TUNAR: variants seen among roughly 807,000 people sequenced by gnomAD.
The protein encoded by TUNAR is protein TUNAR.
chr14:95,911,670 C>A (rs8017850), intron 2 of TUNAR, among the ~76,000 whole-genome samples: 1 of 152,010 alleles, frequency 6.6e-6, no homozygotes, highest in African/African-American at 2.4e-5. Context: ...GTTCTCAAGA[C>A]GGAGAAACAC....
rs192514942 is a variant in TUNAR, at chr14:95,913,298, T to A, written c.13-9483T>A. Among the ~76,000 whole-genome samples the A allele has an allele frequency of 3.5e-3, 534 of 152,230 alleles. 3 individuals carry two copies. Among genetic ancestry groups the A allele is most frequent in the African/African-American group, 0.012 (518 of 41,538 alleles). ...GCCCCGCATGCATTGGGTATTTGTC[T>A]TAATGCTCTCCCTCCCCTTGTCCCC... On this transcript the variant is annotated intron_variant, in intron 2 of 2. Transcript: ENST00000678517.
chr14:95,918,755 C>T (rs1169500931), intron 2 of TUNAR, among the ~76,000 whole-genome samples: 2 of 152,186 alleles, frequency 1.3e-5, no homozygotes, highest in African/African-American at 2.4e-5. Flanking sequence ...TGAAACCAAG[C>T]AGCCTCCATG....
At chr14:95,886,226 C>T (rs1218509207) in intron 2 of TUNAR, among the ~76,000 whole-genome samples, 1 of 152,224 alleles carries the variant, frequency 6.6e-6, no homozygotes, top group African/African-American at 2.4e-5. Flanking sequence ...CCTGAGCTTC[C>T]CCCAGCAGTG....
chr14:95,913,597 C>T (rs1306777562), intron 2 of TUNAR, among the ~76,000 whole-genome samples: 1 of 152,086 alleles, frequency 6.6e-6, no homozygotes, highest in Non-Finnish European at 1.5e-5. Context: ...AGAAATTGGT[C>T]TAGAGAAGTC....
intron 2 of TUNAR, among the ~76,000 whole-genome samples, chr14:95,878,152 C>G (rs1888920714): frequency 6.6e-6 from 1 of 152,202 alleles, no homozygotes; most frequent in South Asian, 2.1e-4. Context: ...ATTTGCCAGC[C>G]CTCAGTGTCA....
intron 2 of TUNAR, among the ~76,000 whole-genome samples, chr14:95,883,543 G>GCTGCTA (rs1302871149): frequency 2.6e-5 from 4 of 152,252 alleles, no homozygotes; most frequent in African/African-American, 7.2e-5. Flanking sequence ...TGTGTCATAG[G>GCTGCTA]CTGCTACTGT....
At chr14:95,887,280 G>A (rs1233591110) in intron 2 of TUNAR, among the ~76,000 whole-genome samples, 1 of 152,194 alleles carries the variant, frequency 6.6e-6, no homozygotes. Flanking sequence ...AGTACCTGGG[G>A]TGAACCTTGC....
At chr14:95,917,102 G>A (rs1889617118) in intron 2 of TUNAR, among the ~76,000 whole-genome samples, 1 of 152,102 alleles carries the variant, frequency 6.6e-6, no homozygotes, top group Admixed American at 6.5e-5. Context: ...TTTCCTTATA[G>A]TTTGAGCTTT....
chr14:95,881,097 C>T (rs1888971151), intron 2 of TUNAR, among the ~76,000 whole-genome samples: 1 of 152,178 alleles, frequency 6.6e-6, no homozygotes, highest in African/African-American at 2.4e-5. Flanking sequence ...TTGTGTCCTT[C>T]CTCCCCAATT....
intron 2 of TUNAR, among the ~76,000 whole-genome samples, chr14:95,906,893 A>C (rs1889434360): frequency 6.6e-6 from 1 of 152,168 alleles, no homozygotes; most frequent in African/African-American, 2.4e-5. Flanking sequence ...TCTTCTCTGC[A>C]TCCCTTTCTC....
chr14:95,913,416 C>T (rs932509276), intron 2 of TUNAR, among the ~76,000 whole-genome samples: 20 of 152,200 alleles, frequency 1.3e-4, no homozygotes, highest in Middle Eastern at 3.4e-3. Flanking sequence ...GAACATGCGG[C>T]GTTTGGTTTT....
intron 2 of TUNAR, among the ~76,000 whole-genome samples, chr14:95,911,349 C>G (rs983050861): frequency 6.6e-6 from 1 of 152,214 alleles, no homozygotes; most frequent in Non-Finnish European, 1.5e-5. Flanking sequence ...GGAGACAGTT[C>G]ACTGCGTGCC....
chr14:95,891,627 C>T (rs148913311), intron 2 of TUNAR, among the ~76,000 whole-genome samples: 1 of 152,358 alleles, frequency 6.6e-6, no homozygotes, highest in Non-Finnish European at 1.5e-5. Context: ...TATTACTATA[C>T]ACTCGCTACA....
At chr14:95,901,143 A>AGCAAGCAAGT (rs1889346803) in intron 2 of TUNAR, among the ~76,000 whole-genome samples, 2 of 152,248 alleles carry the variant, frequency 1.3e-5, no homozygotes, top group Non-Finnish European at 2.9e-5. Context: ...TTAACGGACA[A>AGCAAGCAAGT]GCAAGCAAGT....
At chr14:95,902,628 G>T (rs1566789109) in intron 2 of TUNAR, among the ~76,000 whole-genome samples, 1 of 152,194 alleles carries the variant, frequency 6.6e-6, no homozygotes, top group Non-Finnish European at 1.5e-5. Flanking sequence ...CTCCCCAGGG[G>T]CATTTGGAAA....
intron 2 of TUNAR, among the ~76,000 whole-genome samples, chr14:95,902,177 C>T (rs2139663169): frequency 6.6e-6 from 1 of 152,182 alleles, no homozygotes; most frequent in Admixed American, 6.5e-5. Context: ...CAGTGTAGCA[C>T]CTTATAGCAA....
chr14:95,909,474 G>A (rs190782225), intron 2 of TUNAR, among the ~76,000 whole-genome samples: 19 of 152,048 alleles, frequency 1.2e-4, no homozygotes, highest in Middle Eastern at 3.4e-3. Context: ...TAGTAGAGAC[G>A]GGGTTTCACC....
intron 2 of TUNAR, among the ~76,000 whole-genome samples, chr14:95,880,170 G>T (rs552599031): frequency 6.6e-6 from 1 of 152,164 alleles, no homozygotes; most frequent in Non-Finnish European, 1.5e-5. Context: ...ATTGGTACCA[G>T]ATATTGCCCT....
At chr14:95,893,150 G>A (rs771873647) in intron 2 of TUNAR, among the ~76,000 whole-genome samples, 12 of 152,250 alleles carry the variant, frequency 7.9e-5, no homozygotes, top group African/African-American at 2.4e-4. Flanking sequence ...AGAGAGTTTC[G>A]TGAGGGTCCC....
Sources: allele counts gnomAD v4.1 joint callset (sites outside exome capture counted in the v4.1 genomes callset), GRCh38; gene constraint gnomAD v4.1.1; transcripts MANE v1.5; gene names NCBI Gene and HGNC (gene_info 2026-07-23, HGNC 2026-07-21).